Variants in CNTNAP2 observed in about 807,000 individuals in gnomAD.
CNTNAP2 encodes contactin-associated protein-like 2.
A neutral mutation model predicts 155.2 loss-of-function variants in CNTNAP2; 98 were observed. The ratio of observed to expected loss-of-function variants is 0.63; its 90% CI spans 0.54 to 0.75. CNTNAP2 has a LOEUF of 0.75. CNTNAP2 is among the 30% of genes least tolerant of loss of function. The pLI, the probability that CNTNAP2 is intolerant of heterozygous loss-of-function variation, is 0.00. For missense variants in CNTNAP2, 1,727 were observed against 1,688.1 expected, an observed-to-expected ratio of 1.02 and a Z score of -0.40; for synonymous variants, 651 against 631.2, an observed-to-expected ratio of 1.03 and a Z score of -0.47.
intron 13 of CNTNAP2, among the ~76,000 whole-genome samples, chr7:147,699,900 A>C (rs943971629): frequency 6.6e-6 from 1 of 152,038 alleles, no homozygotes. Context: ...GAATTTACCT[A>C]TTCTGAATAT....
chr7:148,228,616 G>A (rs1000843271), intron 19 of CNTNAP2, among the ~76,000 whole-genome samples: 1 of 151,870 alleles, frequency 6.6e-6, no homozygotes, highest in South Asian at 2.1e-4. Flanking sequence ...GAGGTCCGGA[G>A]ATCGAGATCA....
intron 1 of CNTNAP2, among the ~76,000 whole-genome samples, chr7:146,526,220 A>G (rs1289647813): frequency 3.3e-5 from 5 of 152,186 alleles, no homozygotes; most frequent in Admixed American, 3.3e-4. Flanking sequence ...TATGAACAAC[A>G]TATTTGATGA....
chr7:147,426,012 G>A (rs564472695), intron 10 of CNTNAP2, among the ~76,000 whole-genome samples: 13 of 152,156 alleles, frequency 8.5e-5, no homozygotes, highest in South Asian at 4.1e-4. Context: ...CATTTCCCAT[G>A]AATTTAAGAT....
chr7:147,137,060 T>C (rs1222928630), intron 8 of CNTNAP2, among the ~76,000 whole-genome samples: 1 of 151,788 alleles, frequency 6.6e-6, no homozygotes, highest in Non-Finnish European at 1.5e-5. Context: ...CTTTGATCCA[T>C]TAAATTTAAG....
At chr7:146,264,943 C>G (rs930598808) in intron 1 of CNTNAP2, among the ~76,000 whole-genome samples, 6 of 152,162 alleles carry the variant, frequency 3.9e-5, no homozygotes, top group Non-Finnish European at 7.3e-5. Flanking sequence ...TCAAAGGAAT[C>G]TGAATGAGTA....
intron 15 of CNTNAP2, among the ~76,000 whole-genome samples, chr7:148,056,037 C>T (rs977504225): frequency 2.1e-4 from 32 of 152,136 alleles, no homozygotes; most frequent in African/African-American, 5.6e-4. Context: ...TAGCGATGAA[C>T]GGATTCACTC....
chr7:146,904,628 C>T (rs892894961), intron 3 of CNTNAP2, among the ~76,000 whole-genome samples: 19 of 152,068 alleles, frequency 1.2e-4, no homozygotes, highest in East Asian at 1.9e-4. Flanking sequence ...CCCGCCACCA[C>T]GCCTGGCTAA....
At chr7:146,440,123 C>A (rs565061605) in intron 1 of CNTNAP2, among the ~76,000 whole-genome samples, 1 of 151,104 alleles carries the variant, frequency 6.6e-6, no homozygotes, top group Non-Finnish European at 1.5e-5. Context: ...GACTCCATCT[C>A]AAAACAAAAC....
At chr7:148,277,605 G>A (rs572572020) in intron 21 of CNTNAP2, among the ~76,000 whole-genome samples, 7 of 94,384 alleles carry the variant, frequency 7.4e-5, no homozygotes, top group Non-Finnish European at 1.4e-4. Context: ...CACCACCACC[G>A]ACCCCCTACA....
At chr7:147,947,292 C>A (rs1235215426) in intron 14 of CNTNAP2, among the ~76,000 whole-genome samples, 1 of 151,800 alleles carries the variant, frequency 6.6e-6, no homozygotes, top group Non-Finnish European at 1.5e-5. Flanking sequence ...AAGACAATTG[C>A]ATTTCCTTTT....
intron 10 of CNTNAP2, among the ~76,000 whole-genome samples, chr7:147,474,136 G>A (rs950346229): frequency 6.6e-6 from 1 of 151,474 alleles, no homozygotes; most frequent in African/African-American, 2.4e-5. Context: ...TTTACAAATG[G>A]TTGAATTACA....
intron 1 of CNTNAP2, among the ~76,000 whole-genome samples, chr7:146,731,677 A>G (rs1029366992): frequency 1.3e-5 from 2 of 152,118 alleles, no homozygotes; most frequent in African/African-American, 4.8e-5. Flanking sequence ...AGGTCTTTCA[A>G]GAAACTTAAA....
chr7:146,222,990 A>G (rs1799233684), intron 1 of CNTNAP2, among the ~76,000 whole-genome samples: 1 of 152,102 alleles, frequency 6.6e-6, no homozygotes, highest in African/African-American at 2.4e-5. Context: ...GATGACAGTG[A>G]GGACACTTGG....
chr7:148,227,305 C>A (rs1411112926), intron 19 of CNTNAP2, among the ~76,000 whole-genome samples: 1 of 152,116 alleles, frequency 6.6e-6, no homozygotes, highest in Non-Finnish European at 1.5e-5. Context: ...AGAAGTGAGA[C>A]AGAGGGCTCA....
intron 17 of CNTNAP2, among the ~76,000 whole-genome samples, chr7:148,159,281 G>A (rs1805466256): frequency 6.6e-6 from 1 of 151,846 alleles, no homozygotes; most frequent in Non-Finnish European, 1.5e-5. Context: ...TCTCGCCATC[G>A]CCGACACCCA....
intron 19 of CNTNAP2, among the ~76,000 whole-genome samples, chr7:148,225,540 C>A (rs938497810): frequency 1.3e-5 from 2 of 152,044 alleles, no homozygotes; most frequent in African/African-American, 4.8e-5. Context: ...GCCTGGTGAG[C>A]CATTGCAAGA....
At chr7:147,456,812 G>A (rs1797924741) in intron 10 of CNTNAP2, among the ~76,000 whole-genome samples, 1 of 152,168 alleles carries the variant, frequency 6.6e-6, no homozygotes, top group South Asian at 2.1e-4. Flanking sequence ...CATTTAAAAG[G>A]ATCAACCATA....
chr7:146,948,969 C>A (rs1797250487), intron 3 of CNTNAP2, among the ~76,000 whole-genome samples: 1 of 152,094 alleles, frequency 6.6e-6, no homozygotes, highest in South Asian at 2.1e-4. Context: ...GGAGAGGAAG[C>A]AGGAATAATA....
intron 1 of CNTNAP2, among the ~76,000 whole-genome samples, chr7:146,215,853 T>A (rs971649687): frequency 2.0e-5 from 3 of 152,162 alleles, no homozygotes; most frequent in Admixed American, 2.0e-4. Flanking sequence ...CGCATTTGCT[T>A]TGATAAATAA....
Sources: allele counts gnomAD v4.1 joint callset (sites outside exome capture counted in the v4.1 genomes callset), GRCh38; gene constraint gnomAD v4.1.1; transcripts MANE v1.5; gene names NCBI Gene and HGNC (gene_info 2026-07-23, HGNC 2026-07-21).